PTPRN2: variants seen among roughly 807,000 people sequenced by gnomAD.
PTPRN2 encodes the protein receptor-type tyrosine-protein phosphatase N2.
A neutral mutation model predicts 118.8 loss-of-function variants in PTPRN2; 74 were observed. That is an observed-to-expected ratio of 0.62 (90% CI 0.52 to 0.76). The LOEUF is 0.76. Ranked by LOEUF, PTPRN2 falls within the 30% of genes least tolerant of loss-of-function variation. The pLI is 0.00. For synonymous variants in PTPRN2, 641 were observed against 608.0 expected, an observed-to-expected ratio of 1.05 and a Z score of -0.80; for missense variants, 1,481 against 1,394.4, an observed-to-expected ratio of 1.06 and a Z score of -0.99.
chr7:158,103,817 GT>G (rs1563438933), intron 10 of PTPRN2, among the ~76,000 whole-genome samples: 1 of 152,106 alleles, frequency 6.6e-6, no homozygotes, highest in African/African-American at 2.4e-5. Flanking sequence ...GCCCATGATG[GT>G]TAGCAGCCTG....
chr7:158,194,868 G>A (rs1299640208), intron 4 of PTPRN2, among the ~76,000 whole-genome samples: 7 of 151,742 alleles, frequency 4.6e-5, no homozygotes, highest in South Asian at 2.1e-4. Context: ...TATGAAATAC[G>A]AGCCTTAAAT....
At chr7:158,496,058 C>T (rs576553139) in intron 1 of PTPRN2, among the ~76,000 whole-genome samples, 27 of 151,960 alleles carry the variant, frequency 1.8e-4, no homozygotes, top group South Asian at 1.0e-3. Context: ...CAGGAGACAG[C>T]GCTCAGCCCC....
At chr7:158,138,172 AT>A (rs1418264784) in intron 7 of PTPRN2, 121 bp downstream of exon 7, 11 of 825,110 alleles carry the variant, frequency 1.3e-5, no homozygotes, top group Non-Finnish European at 2.0e-5. Context: ...ATTAATACAG[AT>A]CCCCATCTCC....
intron 14 of PTPRN2, among the ~76,000 whole-genome samples, chr7:157,649,696 T>C (rs1344245080): frequency 1.3e-3 from 128 of 95,148 alleles, no homozygotes; most frequent in African/African-American, 2.2e-3. Flanking sequence ...TCGGACCCAT[T>C]CACTGTGCAC....
In PTPRN2 at chr7:157,944,786, C is replaced by G. The variant is rs1014665629; in HGVS notation, c.1724-46049G>C. On this transcript the variant is annotated intron_variant, in intron 11 of 22. Coordinates refer to ENST00000389418, the MANE Select transcript of PTPRN2 (RefSeq NM_002847.5). This position sits in a 1 kb window ranked among gnomAD's most constrained non-coding sequence, Gnocchi z 4.3. Reference sequence around the variant, plus strand: ...TAAGCCAAGGGGCTGTTGGGACAGGCAGCCGCACCTGGCCAGCTCTGCCCT... The same window carrying G: ...TAAGCCAAGGGGCTGTTGGGACAGGGAGCCGCACCTGGCCAGCTCTGCCCT... 3.0e-4 allele frequency among the ~76,000 whole-genome samples: 45 copies of G among 152,280 alleles called. No homozygotes were observed. Among genetic ancestry groups the G allele is most frequent in the African/African-American group, 1.1e-3 (44 of 41,564 alleles).
At chr7:158,521,400 G>GC (rs1823987157) in intron 1 of PTPRN2, among the ~76,000 whole-genome samples, 1 of 152,178 alleles carries the variant, frequency 6.6e-6, no homozygotes, top group Non-Finnish European at 1.5e-5. Flanking sequence ...TCTGGAAATT[G>GC]TTTTTTCTCC....
chr7:157,557,225 A>G (rs1344778182), intron 21 of PTPRN2, among the ~76,000 whole-genome samples: 2 of 151,554 alleles, frequency 1.3e-5, no homozygotes, highest in Non-Finnish European at 2.9e-5. Context: ...TAGGTCATAC[A>G]TATGCACACA....
chr7:157,589,660 T>C (rs1800874888), intron 17 of PTPRN2, among the ~76,000 whole-genome samples: 1 of 152,198 alleles, frequency 6.6e-6, no homozygotes, highest in Non-Finnish European at 1.5e-5. Context: ...TTTAGAAGCA[T>C]TGAACAAAAC....
chr7:158,147,236 C>T (rs371814383), intron 6 of PTPRN2, among the ~76,000 whole-genome samples: 1 of 69,650 alleles, frequency 1.4e-5, no homozygotes. Flanking sequence ...CCCCATCTCA[C>T]GCCACGTGTC....
intron 2 of PTPRN2, among the ~76,000 whole-genome samples, chr7:158,446,419 A>G (rs988270784): frequency 2.6e-5 from 4 of 151,958 alleles, no homozygotes; most frequent in African/African-American, 9.7e-5. Flanking sequence ...GTCTGTCGTG[A>G]GAGCTGGAGC....
At chr7:158,017,886 A>G (rs1216175179) in intron 11 of PTPRN2, among the ~76,000 whole-genome samples, 2 of 152,040 alleles carry the variant, frequency 1.3e-5, no homozygotes, top group East Asian at 3.9e-4. Flanking sequence ...CCTTCTTTTA[A>G]TTTTGCATTG....
chr7:157,940,088 G>A (rs111249726), intron 11 of PTPRN2, among the ~76,000 whole-genome samples: 2 of 152,126 alleles, frequency 1.3e-5, no homozygotes, highest in Admixed American at 6.5e-5. Flanking sequence ...GTATGACCAT[G>A]AGCCCCTGTC....
rs1308399557 is a variant in PTPRN2 at position 158,259,400 on chromosome 7, G to A, written c.278-54127C>T. Among the ~76,000 whole-genome samples the A allele has an allele frequency of 3.3e-5, 5 of 152,132 alleles. No homozygotes were observed. The East Asian group carries it at 5.8e-4, about 18-fold the overall frequency. Reference sequence around the variant, plus strand: ...GGCCTCTCATCCCACGTCACAACCCGCAGCTGCTGCTGTGCTGCAGGGAAG... The same window carrying A: ...GGCCTCTCATCCCACGTCACAACCCACAGCTGCTGCTGTGCTGCAGGGAAG... On this transcript the variant is annotated intron_variant, in intron 3 of 22. Coordinates refer to ENST00000389418, the MANE Select transcript of PTPRN2 (RefSeq NM_002847.5).
intron 12 of PTPRN2, among the ~76,000 whole-genome samples, chr7:157,745,773 G>C (rs1265803813): frequency 6.6e-6 from 1 of 152,156 alleles, no homozygotes; most frequent in East Asian, 1.9e-4. Flanking sequence ...CCAACGATCT[G>C]GTTCCTACCC....
intron 2 of PTPRN2, among the ~76,000 whole-genome samples, chr7:158,456,673 C>A (rs1818534139): frequency 6.6e-6 from 1 of 152,290 alleles, no homozygotes; most frequent in South Asian, 2.1e-4. Context: ...CATCCGTCTC[C>A]CCTGCCACCC....
intron 15 of PTPRN2, among the ~76,000 whole-genome samples, chr7:157,620,128 G>A (rs968321345): frequency 2.6e-5 from 4 of 152,184 alleles, no homozygotes; most frequent in African/African-American, 4.8e-5. Flanking sequence ...ATCACTCAAC[G>A]TTGTGAGTAT....
In PTPRN2 at chr7:158,440,871, ATTGG is replaced by A. The variant is rs1563294838; in HGVS notation, c.163+48860_163+48863del. On this transcript the variant is annotated intron_variant, in intron 2 of 22. Coordinates refer to ENST00000389418, the MANE Select transcript of PTPRN2 (RefSeq NM_002847.5). ...CGGGGGTGGTGGTGGGGGCAGTGGT[ATTGG>A]TGGTGGTGGTGAAGGTGGTGGTGGT... is the stretch of plus-strand genomic sequence containing the variant. Among the ~76,000 whole-genome samples, 6 of 62,724 alleles carry A rather than the reference ATTGG, an allele frequency of 9.6e-5. 1 individual carries two copies. The highest frequency in any genetic ancestry group is 3.7e-4 in the African/African-American group (6 of 16,418). The allele number at this position is 62,724 out of a possible 152,430, so 41.1% of individuals were successfully genotyped here.
intron 11 of PTPRN2, among the ~76,000 whole-genome samples, chr7:157,943,808 G>A (rs1272084516): frequency 9.2e-5 from 14 of 152,248 alleles, no homozygotes; most frequent in Non-Finnish European, 1.5e-5. Context: ...AGCCTCCCTG[G>A]GTCAAGCTCC....
intron 11 of PTPRN2, among the ~76,000 whole-genome samples, chr7:158,054,523 G>A (rs771768832): frequency 3.4e-4 from 52 of 152,214 alleles, no homozygotes; most frequent in Middle Eastern, 3.2e-3. Context: ...TATTTTCTGC[G>A]GTTGATTATT....
Sources: allele counts gnomAD v4.1 joint callset (sites outside exome capture counted in the v4.1 genomes callset), GRCh38; gene constraint gnomAD v4.1.1; non-coding constraint Gnocchi (gnomAD v3.1); transcripts MANE v1.5; gene names NCBI Gene and HGNC (gene_info 2026-07-23, HGNC 2026-07-21).